Variants in PCDHA6 observed in about 807,000 individuals in gnomAD.
The protein encoded by PCDHA6 is protocadherin alpha-6.
A neutral mutation model predicts 60.3 loss-of-function variants in PCDHA6; 55 were observed. The observed-to-expected ratio is 0.91, with a 90% CI of 0.73 to 1.14. The LOEUF is 1.14. PCDHA6 is among the 50% of genes most tolerant of loss of function. PCDHA6 has a pLI of 0.00. For synonymous variants in PCDHA6, 652 were observed against 557.9 expected (o/e 1.17, Z -2.38); for missense variants, 1,327 against 1,256.5 (o/e 1.06, Z -0.85).
rs1277596666 is a variant in PCDHA6 at position 140,856,532 on chromosome 5, G to A, written c.2394+26047G>A. ...AGAAGGCGCATCTGATGCGGATGTT[G>A]GAGAGAACGCATTGCTTACTTACAA... On this transcript the variant is annotated intron_variant, in intron 1 of 3. Transcript: ENST00000529310. The A allele has an allele frequency of 1.9e-6, 3 of 1,598,248 alleles. 1 individual carries two copies. The highest frequency in any genetic ancestry group is 2.6e-6 in the Non-Finnish European group (3 of 1,167,844).
chr5:140,936,448 T>A (rs1477787930), intron 1 of PCDHA6, among the ~76,000 whole-genome samples: 1 of 152,210 alleles, frequency 6.6e-6, no homozygotes, highest in Non-Finnish European at 1.5e-5. Context: ...AATAACCACA[T>A]CTGTTTAGTG....
intron 1 of PCDHA6, chr5:140,834,135 T>G: frequency 4.1e-6 from 2 of 483,320 alleles, no homozygotes; most frequent in Middle Eastern, 5.3e-4. Context: ...TTTCATCTGA[T>G]TAATAGTTTG....
In PCDHA6 at chr5:140,834,549, C is replaced by G. The variant is rs782435489; in HGVS notation, c.2394+4064C>G. 3 of 1,614,074 alleles carry G rather than the reference C, an allele frequency of 1.9e-6. No individual in the cohort carries two copies. Among genetic ancestry groups the G allele is most frequent in the Non-Finnish European group, 2.5e-6 (3 of 1,180,034 alleles). On this transcript the variant is annotated intron_variant, in intron 1 of 3. Transcript: ENST00000529310. ...CATCGCGCAGGACCTGGGGCTGGAG[C>G]TGGCGGAGCTGGTGCCGCGCCTGTT...
intron 3 of PCDHA6, among the ~76,000 whole-genome samples, chr5:140,983,623 GA>G (rs1554245569): frequency 6.6e-6 from 1 of 152,202 alleles, no homozygotes; most frequent in African/African-American, 2.4e-5. Flanking sequence ...GAGAGATTAA[GA>G]AATGTACCCA....
intron 1 of PCDHA6, among the ~76,000 whole-genome samples, chr5:140,974,327 G>A (rs2096622889): frequency 6.6e-6 from 1 of 152,194 alleles, no homozygotes; most frequent in African/African-American, 2.4e-5. Context: ...TAGCTGCTGT[G>A]CTAGCAGGCT....
intron 3 of PCDHA6, among the ~76,000 whole-genome samples, chr5:140,982,861 G>A (rs1356683030): frequency 1.3e-5 from 2 of 152,110 alleles, no homozygotes; most frequent in African/African-American, 4.8e-5. Flanking sequence ...CCTTTCAAAT[G>A]CTTAGGTCAT....
intron 1 of PCDHA6, among the ~76,000 whole-genome samples, chr5:140,885,309 T>C (rs1456816250): frequency 6.6e-6 from 1 of 152,194 alleles, no homozygotes; most frequent in Non-Finnish European, 1.5e-5. Context: ...GTAGGCTTTT[T>C]GTTATTATTT....
intron 1 of PCDHA6, chr5:140,841,964 A>G (rs2150326449): frequency 6.2e-7 from 1 of 1,613,930 alleles, no homozygotes; most frequent in East Asian, 2.2e-5. Context: ...CCTGACAGCC[A>G]CAGATGGGGG....
intron 1 of PCDHA6, among the ~76,000 whole-genome samples, chr5:140,953,372 A>G (rs1472097697): frequency 6.6e-6 from 1 of 151,982 alleles, no homozygotes; most frequent in Non-Finnish European, 1.5e-5. Flanking sequence ...AGGATTCTCT[A>G]CCCCTCTCAG....
chr5:140,870,562 G>T (rs1554164416), intron 1 of PCDHA6: 1 of 1,613,996 alleles, frequency 6.2e-7, no homozygotes, highest in Non-Finnish European at 8.5e-7. Context: ...GCAGGAGAAC[G>T]CGCTGGTGTC....
At chr5:140,874,496 T>A (rs1352627184) in intron 1 of PCDHA6, among the ~76,000 whole-genome samples, 1 of 152,214 alleles carries the variant, frequency 6.6e-6, no homozygotes, top group Non-Finnish European at 1.5e-5. Context: ...TGATATCAAG[T>A]TCACATTCTC....
intron 1 of PCDHA6, chr5:140,968,910 T>G (rs782307931): frequency 1.9e-6 from 3 of 1,613,974 alleles, no homozygotes; most frequent in Non-Finnish European, 2.5e-6. Flanking sequence ...TTAAGCACAG[T>G]GTCTTTTATA....
At position 140,830,269 on chromosome 5, in the gene PCDHA6, A is replaced by G. The variant is rs2150183853; in HGVS notation, c.2178A>G (p.Pro726=). Residue 726 remains proline, a synonymous_variant, in exon 1 of 4, where the codon CCA becomes CCG. Coordinates refer to ENST00000529310, the MANE Select transcript of PCDHA6 (RefSeq NM_018909.4). ...ACACAGCGCTGCGGTGCTCGGCGCC[A>G]CCCACCGAGGGCGCGTGCACGGCGG... The part of the protein sequence containing the change: ...LLYTALRCSA[P]PTEGACTADK... 3.1e-6 allele frequency: 5 copies of G among 1,613,514 alleles called. No homozygotes were observed. Among genetic ancestry groups the G allele is most frequent in the Admixed American group, 1.7e-5 (1 of 59,988 alleles).
At position 140,883,032 on chromosome 5, in the gene PCDHA6, C is replaced by G. The variant is rs2153389895; in HGVS notation, c.2394+52547C>G. The G allele has an allele frequency of 6.2e-6, 10 of 1,614,064 alleles. No individual in the cohort carries two copies. The South Asian group carries it at 8.8e-5, about 14-fold the overall frequency. ...TATAAAGTGACGGTGTTAGAGAACG[C>G]CTTCAATGGAACATTAGTGATCAAG... On this transcript the variant is annotated intron_variant, in intron 1 of 3. Transcript: ENST00000529310.
chr5:140,960,708 T>C (rs578004240), intron 1 of PCDHA6, among the ~76,000 whole-genome samples: 1 of 152,142 alleles, frequency 6.6e-6, no homozygotes, highest in Non-Finnish European at 1.5e-5. Context: ...TAGTGCCAAA[T>C]ACTCATCTTA....
chr5:140,874,152 T>C (rs1416330070), intron 1 of PCDHA6, among the ~76,000 whole-genome samples: 1 of 152,228 alleles, frequency 6.6e-6, no homozygotes, highest in African/African-American at 2.4e-5. Context: ...TGTAGAGCCA[T>C]TCTTGGTTAC....
chr5:140,973,015 A>T (rs1554234824), intron 1 of PCDHA6, among the ~76,000 whole-genome samples: 1 of 152,000 alleles, frequency 6.6e-6, no homozygotes, highest in African/African-American at 2.4e-5. Context: ...TGGTGTTGTG[A>T]TTGTTAATGA....
At chr5:140,853,186 T>A (rs1319210557) in intron 1 of PCDHA6, 2 of 978,922 alleles carry the variant, frequency 2.0e-6, no homozygotes, top group African/African-American at 3.5e-5. Flanking sequence ...GCCTAAAATG[T>A]GTTCTTTATT....
At chr5:140,875,103 A>ACTAATATCATG (rs2055275043) in intron 1 of PCDHA6, among the ~76,000 whole-genome samples, 2 of 152,340 alleles carry the variant, frequency 1.3e-5, no homozygotes, top group African/African-American at 4.8e-5. Context: ...ATGTTTTGTT[A>ACTAATATCATG]CTAATATCAT....
Sources: gnomAD v4.1 joint callset for allele counts (sites outside exome capture counted in the v4.1 genomes callset) on GRCh38, gnomAD v4.1.1 for gene constraint, MANE v1.5 for transcripts, NCBI Gene and HGNC (gene_info 2026-07-23, HGNC 2026-07-21) for gene names.